The following PARP9 variants were observed in gnomAD, a reference collection of about 807,000 sequenced individuals.
PARP9 encodes the protein poly(ADP-ribose) polymerase family member 9.
Under a neutral mutation model 68.8 loss-of-function variants are expected in PARP9, and 48 were observed. The observed-to-expected ratio is 0.70, with a 90% confidence interval of 0.55 to 0.89. PARP9 has a LOEUF of 0.89. PARP9 is among the 40% of genes least tolerant of loss of function. The pLI, the probability that PARP9 is intolerant of heterozygous loss-of-function variation, is 0.00. For synonymous variants in PARP9, 309 were observed against 333.8 expected (o/e 0.93, Z 0.81); for missense variants, 806 against 969.3 (o/e 0.83, Z 2.24).
In PARP9 at chr3:122,552,522, T is replaced by C. The variant is rs759742845; in HGVS notation, c.1003A>G (p.Lys335Glu). 9.9e-6 allele frequency: 16 copies of C among 1,614,170 alleles called. No homozygotes were observed. Among genetic ancestry groups the C allele is most frequent in the Admixed American group, 1.7e-5 (1 of 60,020 alleles). Residue 335 changes from lysine to glutamate, a missense_variant, in exon 5 of 11, where the codon AAA becomes GAA. This residue lies in a region of PARP9 where 680 missense variants were observed against 858.8 expected (regional missense o/e 0.79). Transcript: ENST00000682323. The stretch of plus-strand genomic sequence containing the variant: ...ACCAACTGGGACCGTTGAAACTGTT[T>C]AGCCTTTGTGGCAAGAAATTCCGAT... ...MKSEFLATKA[K>E]QFQRSQLVLV...
chr3:122,532,214 G>C, intron 10 of PARP9: 1 of 985,460 alleles, frequency 1.0e-6, no homozygotes, highest in Non-Finnish European at 1.2e-6. Flanking sequence ...AAAATTTCCT[G>C]TGTGGCAGGA....
Position 122,555,892 on chromosome 3 carries a change from G to A in PARP9, c.279C>T (p.Thr93=). ...TCACCACAGCATCAACAGCATGTGT[G>A]GTGAGGTCATCTTTCCAGACTGATA... The part of the protein sequence containing the change: ...IELSVWKDDL[T]THAVDAVVNA... Residue 93 remains threonine (T), a synonymous_variant, in exon 4 of 11, where the codon ACC becomes ACT. Transcript: ENST00000682323. The A allele has an allele frequency of 1.2e-6, 2 of 1,614,042 alleles. No individual in the cohort carries two copies. The highest frequency in any genetic ancestry group is 1.7e-6 in the Non-Finnish European group (2 of 1,180,026).
At chr3:122,560,450 G>T (rs964181681) in intron 1 of PARP9, among the ~76,000 whole-genome samples, 1 of 152,016 alleles carries the variant, frequency 6.6e-6, no homozygotes, top group Non-Finnish European at 1.5e-5. Flanking sequence ...GCAGTGGCTC[G>T]ATCTTGGCTC....
chr3:122,564,192 C>G, intron 1 of PARP9, 53 bp downstream of exon 1: 1 of 504,662 alleles, frequency 2.0e-6, no homozygotes, highest in Non-Finnish European at 3.4e-6. Flanking sequence ...CCGCCCACCT[C>G]GAGCCTGCAG....
chr3:122,537,094 AACTTT>A (rs1358616970), intron 8 of PARP9, 21 bp from the exon 9 acceptor site: 3 of 1,589,760 alleles, frequency 1.9e-6, no homozygotes, highest in Non-Finnish European at 2.6e-6. Context: ...GTAACACAAA[AACTTT>A]ACTTCAATGC....
intron 10 of PARP9, chr3:122,532,479 A>C: frequency 1.0e-6 from 1 of 952,616 alleles, no homozygotes; most frequent in Non-Finnish European, 1.2e-6. Context: ...GGACTATGAA[A>C]ACTCTGAAAA....
At chr3:122,539,407 T>C (rs1344933878) in intron 8 of PARP9, among the ~76,000 whole-genome samples, 2 of 152,224 alleles carry the variant, frequency 1.3e-5, no homozygotes, top group Non-Finnish European at 2.9e-5. Context: ...TTTATTGCTG[T>C]AGTCCTTGCA....
chr3:122,528,187 A>G lies in PARP9; in HGVS notation c.*177T>C. The G allele has an allele frequency of 1.3e-6, 1 of 748,150 alleles. No individual in the cohort carries two copies. The highest frequency in any genetic ancestry group is 2.2e-5 in the South Asian group (1 of 45,658). 46.3% of individuals were successfully genotyped at this position (748,150 alleles called of 1,614,324 possible). A position where few individuals can be genotyped will look rare whatever the true frequency, so the allele number is the denominator to read the frequency against. ...TATCTACCTACCCCAACCCCAAGAC[A>G]TAAAGACAGATAAAGGCACTAAGAT... On this transcript the variant is annotated 3_prime_UTR_variant, in exon 11 of 11. Coordinates refer to ENST00000682323, the MANE Select transcript of PARP9 (RefSeq NM_001146105.2).
rs141037421 is a variant in PARP9, at chr3:122,558,451, G to A, written c.32C>T (p.Ala11Val). MDFSMVAGAA[A>V]YNEKSETGAL... ...AATCCTACCTGATTTTTCATTGTAAGCTGCTGCTCCGGCCACCTGTGAAAA... is the reference window on the plus strand; with the variant it reads ...AATCCTACCTGATTTTTCATTGTAAACTGCTGCTCCGGCCACCTGTGAAAA... The change falls in exon 3 of 11, where the codon GCT becomes GTT. Residue 11 changes from alanine (A) to valine (V), a missense_variant. Physicochemically the swap from Ala to Val is moderately conservative, Grantham distance 64. Around this residue, in one of 2 missense-constraint regions of PARP9, gnomAD observed 126 missense variants for 110.5 expected, o/e 1.14. Coordinates refer to ENST00000682323, the MANE Select transcript of PARP9 (RefSeq NM_001146105.2). 6 of 1,614,074 alleles carry A rather than the reference G, an allele frequency of 3.7e-6. No individual in the cohort carries two copies. Among genetic ancestry groups the A allele is most frequent in the Middle Eastern group, 1.6e-4 (1 of 6,062 alleles).
intron 6 of PARP9, among the ~76,000 whole-genome samples, chr3:122,546,997 T>C (rs1207241615): frequency 8.4e-5 from 8 of 94,824 alleles, no homozygotes; most frequent in East Asian, 4.3e-4. Flanking sequence ...TATATATATA[T>C]ATATATATAT....
intron 8 of PARP9, among the ~76,000 whole-genome samples, chr3:122,537,430 C>T (rs2077733113): frequency 6.6e-6 from 1 of 152,150 alleles, no homozygotes; most frequent in African/African-American, 2.4e-5. Context: ...AACAGACAGG[C>T]ATTAGAAAAT....
intron 10 of PARP9, chr3:122,535,878 G>T: frequency 1.6e-6 from 2 of 1,260,250 alleles, no homozygotes; most frequent in Non-Finnish European, 1.0e-6. Flanking sequence ...CGTGTTCTCT[G>T]CGGATAGGAC....
intron 1 of PARP9, among the ~76,000 whole-genome samples, chr3:122,563,942 T>C (rs2080461014): frequency 1.3e-5 from 2 of 152,058 alleles, no homozygotes; most frequent in African/African-American, 4.8e-5. Flanking sequence ...AGGGTAGAGT[T>C]GGAGGGAGGG....
intron 10 of PARP9, among the ~76,000 whole-genome samples, chr3:122,531,550 G>C (rs2077305363): frequency 2.0e-5 from 3 of 152,194 alleles, no homozygotes; most frequent in Non-Finnish European, 4.4e-5. Context: ...GAGGTCAGGA[G>C]TTCGAGACCA....
In PARP9 at chr3:122,555,299, A is replaced by G. The variant is rs571750292; in HGVS notation, c.872T>C (p.Ile291Thr). Residue 291 changes from isoleucine to threonine, a missense_variant, in exon 4 of 11, where the codon ATT becomes ACT. Coordinates refer to ENST00000682323, the MANE Select transcript of PARP9 (RefSeq NM_001146105.2). ...NLTLQIVQGH[I>T]EWQTADVIVN... ...ACAAAGACTTACCGTCTGCCATTCA[A>G]TGTGGCCCTGGACAATCTGGAGGGT... The G allele has an allele frequency of 6.2e-6, 10 of 1,609,396 alleles. No individual in the cohort carries two copies. Among genetic ancestry groups the G allele is most frequent in the South Asian group, 2.2e-5 (2 of 90,528 alleles).
chr3:122,558,187 A>G (rs9289197), intron 3 of PARP9: 608,093 of 1,052,862 alleles, frequency 0.58, 179,219 homozygotes, highest in East Asian at 0.76. Flanking sequence ...CAATTCAGCC[A>G]TAGGCTGTCG....
intron 2 of PARP9, among the ~76,000 whole-genome samples, chr3:122,558,729 G>A (rs1258066600): frequency 1.3e-5 from 2 of 151,658 alleles, no homozygotes; most frequent in South Asian, 2.1e-4. Flanking sequence ...ATTGTTTTTC[G>A]AGACAAGGTT....
At chr3:122,532,824 G>A (rs1378260798) in intron 10 of PARP9, 3 of 152,176 alleles carry the variant, frequency 2.0e-5, no homozygotes, top group Non-Finnish European at 4.4e-5. Flanking sequence ...CACAGACAAC[G>A]GGATAGAGGC....
chr3:122,535,812 G>A, intron 10 of PARP9: 2 of 1,095,416 alleles, frequency 1.8e-6, no homozygotes, highest in South Asian at 3.2e-5. Context: ...GTTCAGTGCT[G>A]TTGGTAATAA....
Sources: allele counts gnomAD v4.1 joint callset (sites outside exome capture counted in the v4.1 genomes callset), GRCh38; gene constraint gnomAD v4.1.1; regional missense constraint gnomAD v4.1.1; transcripts MANE v1.5; gene names NCBI Gene and HGNC (gene_info 2026-07-23, HGNC 2026-07-21).